Variants in CAGE1 observed in about 807,000 individuals in gnomAD.
CAGE1 encodes cancer antigen 1.
Under a neutral mutation model 94.9 loss-of-function variants are expected in CAGE1, and 66 were observed. The ratio of observed to expected loss-of-function variants is 0.70; its 90% confidence interval spans 0.57 to 0.85. The LOEUF is 0.85. Among genes scored for constraint, CAGE1 ranks in the 40% least tolerant of loss-of-function variants. The pLI, the probability that CAGE1 is intolerant of heterozygous loss-of-function variation, is 0.00. For missense variants in CAGE1, 865 were observed against 950.4 expected, an observed-to-expected ratio of 0.91 and a Z score of 1.18; for synonymous variants, 319 against 321.0, an observed-to-expected ratio of 0.99 and a Z score of 0.07.
chr6:7,376,863 A>G (rs9392151), intron 4 of CAGE1, among the ~76,000 whole-genome samples: 54,231 of 151,922 alleles, frequency 0.36, 9,856 homozygotes, highest in East Asian at 0.44. Flanking sequence ...CAGCTCAATG[A>G]TCATTTCTTC....
intron 11 of CAGE1, among the ~76,000 whole-genome samples, chr6:7,335,285 A>G (rs1758915660): frequency 6.6e-6 from 1 of 152,246 alleles, no homozygotes; most frequent in Non-Finnish European, 1.5e-5. Flanking sequence ...GGTAATGGTC[A>G]CAGGTTCTAG....
chr6:7,356,256 G>A (rs1351682764), intron 9 of CAGE1, 127 bp from the exon 10 acceptor site: 18 of 613,642 alleles, frequency 2.9e-5, no homozygotes, highest in South Asian at 1.0e-4. Context: ...GAGCTGTACC[G>A]TAGGTGAAGC....
intron 7 of CAGE1, among the ~76,000 whole-genome samples, chr6:7,366,888 A>C (rs1760361760): frequency 6.6e-6 from 1 of 152,056 alleles, no homozygotes; most frequent in African/African-American, 2.4e-5. Flanking sequence ...CAGGCTATTA[A>C]AATTTTTCCT....
In CAGE1 at chr6:7,389,301, C is replaced by T. The variant is rs1394446232; in HGVS notation, c.-123G>A. The T allele has an allele frequency of 2.2e-6, 1 of 456,186 alleles. No homozygotes were observed. The highest frequency in any genetic ancestry group is 2.0e-5 in the African/African-American group (1 of 50,086). The allele number at this position is 456,186 out of a possible 1,614,324, so 28.3% of individuals were successfully genotyped here. On this transcript the variant is annotated 5_prime_UTR_variant, in exon 1 of 14. Transcript: ENST00000502583. ...TGCTCACTTCCAGGATCCATAGTTT[C>T]TTGGACCCACGCTACGGACCTGGCT...
intron 3 of CAGE1, among the ~76,000 whole-genome samples, chr6:7,382,897 G>A (rs1261756850): frequency 1.2e-4 from 18 of 152,032 alleles, no homozygotes; most frequent in Non-Finnish European, 2.9e-5. Context: ...GTGACAGAGC[G>A]AGACTCCATC....
At chr6:7,337,369 TG>T (rs1758994976) in intron 11 of CAGE1, among the ~76,000 whole-genome samples, 1 of 151,144 alleles carries the variant, frequency 6.6e-6, no homozygotes, top group Admixed American at 6.6e-5. Context: ...TAAATTTTGA[TG>T]AAGTCGAATT....
intron 7 of CAGE1, among the ~76,000 whole-genome samples, chr6:7,367,278 A>ATTTTTTTTTTTTTTTTTTTTTTTTTT (rs70978961): frequency 1.5e-4 from 17 of 111,204 alleles, no homozygotes; most frequent in African/African-American, 3.8e-4. Context: ...TATTTGGGGG[A>ATTTTTTTTTTTTTTTTTTTTTTTTTT]TTTTTTTTTT....
At chr6:7,348,471 C>A (rs1010447025) in intron 11 of CAGE1, among the ~76,000 whole-genome samples, 1 of 152,188 alleles carries the variant, frequency 6.6e-6, no homozygotes, top group African/African-American at 2.4e-5. Flanking sequence ...TGAAAAGGAA[C>A]CAGAAAACCA....
Position 7,373,416 on chromosome 6 carries a change from G to C in CAGE1, c.1403C>G (p.Ser468Cys). The C allele has an allele frequency of 2.5e-6, 4 of 1,613,694 alleles. No homozygotes were observed. Among genetic ancestry groups the C allele is most frequent in the Non-Finnish European group, 3.4e-6 (4 of 1,179,750 alleles). ...LKKELEKATA[S>C]ALDLLKREKE... Reference sequence around the variant, plus strand: ...TTCCCGTTTCAACAAGTCCAAAGCAGAAGCTGTGGCCTTTTCCAGTTCTTT... The same window carrying C: ...TTCCCGTTTCAACAAGTCCAAAGCACAAGCTGTGGCCTTTTCCAGTTCTTT... The change falls in exon 5 of 14, where the codon TCT becomes TGT. Residue 468 changes from serine to cysteine, a missense_variant. Coordinates refer to ENST00000502583, the MANE Select transcript of CAGE1 (RefSeq NM_001170692.2).
chr6:7,376,481 C>A (rs755108979), intron 4 of CAGE1, among the ~76,000 whole-genome samples: 3 of 152,112 alleles, frequency 2.0e-5, no homozygotes, highest in Non-Finnish European at 4.4e-5. Context: ...ATCTCACCTT[C>A]TTTTGCCCCT....
chr6:7,367,224 A>G (rs1273301548), intron 7 of CAGE1, among the ~76,000 whole-genome samples: 1 of 151,810 alleles, frequency 6.6e-6, no homozygotes, highest in African/African-American at 2.4e-5. Context: ...TTCAGTAATT[A>G]CACAGAAAAA....
chr6:7,345,259 C>G (rs9767788), intron 11 of CAGE1, among the ~76,000 whole-genome samples: 1 of 152,136 alleles, frequency 6.6e-6, no homozygotes, highest in African/African-American at 2.4e-5. Flanking sequence ...ACTCCAGACA[C>G]GCTACCTTAA....
At chr6:7,349,078 G>T (rs1034108133) in intron 11 of CAGE1, among the ~76,000 whole-genome samples, 1 of 152,108 alleles carries the variant, frequency 6.6e-6, no homozygotes, top group Non-Finnish European at 1.5e-5. Flanking sequence ...GAAATTCATC[G>T]CAAAAAGATC....
intron 11 of CAGE1, among the ~76,000 whole-genome samples, chr6:7,344,645 G>C (rs1022274441): frequency 5.3e-5 from 8 of 152,228 alleles, no homozygotes; most frequent in African/African-American, 1.4e-4. Context: ...TGCAGCCCCG[G>C]TGCCGGATCC....
At chr6:7,374,974 C>G (rs530435564) in intron 4 of CAGE1, among the ~76,000 whole-genome samples, 30 of 152,204 alleles carry the variant, frequency 2.0e-4, no homozygotes, top group Admixed American at 5.2e-4. Context: ...GTGGAAGTTG[C>G]AGTGAGCTGA....
intron 4 of CAGE1, among the ~76,000 whole-genome samples, chr6:7,376,155 C>T (rs557673389): frequency 7.3e-5 from 11 of 151,700 alleles, no homozygotes; most frequent in Non-Finnish European, 1.5e-4. Context: ...TTTGGGAAGC[C>T]GAGGCAGGTG....
intron 7 of CAGE1, among the ~76,000 whole-genome samples, chr6:7,368,337 G>T (rs1760423036): frequency 6.6e-6 from 1 of 150,976 alleles, no homozygotes; most frequent in African/African-American, 2.4e-5. Flanking sequence ...AGCCACCTGA[G>T]AAATAAAATT....
intron 12 of CAGE1, among the ~76,000 whole-genome samples, chr6:7,331,867 C>T (rs1758766453): frequency 6.6e-6 from 1 of 152,160 alleles, no homozygotes; most frequent in East Asian, 1.9e-4. Flanking sequence ...TATGACAAAA[C>T]CAAAATGCAA....
intron 13 of CAGE1, among the ~76,000 whole-genome samples, chr6:7,328,930 A>T (rs1457593328): frequency 0.08 from 6,853 of 85,354 alleles, 673 homozygotes; most frequent in East Asian, 0.33. Context: ...ATATATATAT[A>T]TATATTTTTT....
Sources: allele counts gnomAD v4.1 joint callset (sites outside exome capture counted in the v4.1 genomes callset), GRCh38; gene constraint gnomAD v4.1.1; transcripts MANE v1.5; gene names NCBI Gene and HGNC (gene_info 2026-07-23, HGNC 2026-07-21).